FRAS1: variants seen among roughly 807,000 people sequenced by gnomAD.
FRAS1 encodes extracellular matrix organizing protein FRAS1.
Under a neutral mutation model 435.2 loss-of-function variants are expected in FRAS1, and 290 were observed. The ratio of observed to expected loss-of-function variants is 0.67; its 90% CI spans 0.61 to 0.73. The LOEUF is 0.73. Ranked by LOEUF, FRAS1 falls within the 30% of genes least tolerant of loss-of-function variation. The pLI is 0.00. For synonymous variants in FRAS1, 1,800 were observed against 1,851.0 expected (o/e 0.97, Z 0.71); for missense variants, 4,860 against 5,001.5 (o/e 0.97, Z 0.85).
chr4:78,420,699 A>G (rs1001676854), intron 33 of FRAS1, among the ~76,000 whole-genome samples: 3 of 148,106 alleles, frequency 2.0e-5, no homozygotes, highest in East Asian at 1.9e-4. Flanking sequence ...CAGCAGACCA[A>G]TCTGTGCCAG....
intron 2 of FRAS1, among the ~76,000 whole-genome samples, chr4:78,093,844 G>T (rs1317415692): frequency 1.3e-5 from 2 of 152,060 alleles, no homozygotes; most frequent in African/African-American, 4.8e-5. Flanking sequence ...TATATTTTTG[G>T]TTATTTCTGT....
At position 78,306,768 on chromosome 4, in the gene FRAS1, AT is replaced by A. The variant is rs1362793266; in HGVS notation, c.1535-1289del. 5.3e-5 allele frequency among the ~76,000 whole-genome samples: 8 copies of A among 150,354 alleles called. No homozygotes were observed. In the East Asian group the frequency reaches 7.8e-4, roughly 15 times the overall value. ...TTATTCTAGTTATACATTCTTCTAA[AT>A]TTTTTTTTCAAAGTTTTCAACTTCT... On this transcript the variant is annotated intron_variant, in intron 14 of 73. Coordinates refer to ENST00000512123, the MANE Select transcript of FRAS1 (RefSeq NM_025074.7).
At chr4:78,252,589 G>T in intron 5 of FRAS1, 38 bp downstream of exon 5, 1 of 1,586,148 alleles carries the variant, frequency 6.3e-7, no homozygotes, top group Non-Finnish European at 8.6e-7. Context: ...CTCTTTGCTT[G>T]GGAGGTTCAC....
intron 12 of FRAS1, among the ~76,000 whole-genome samples, chr4:78,283,563 T>C (rs1298163202): frequency 6.6e-6 from 1 of 152,244 alleles, no homozygotes; most frequent in East Asian, 1.9e-4. Flanking sequence ...AGTTTGCCTA[T>C]AAGTTTAGTC....
Position 78,284,534 on chromosome 4 carries a change from G to A in FRAS1, c.1385G>A (p.Gly462Asp). The A allele has an allele frequency of 1.9e-6, 3 of 1,610,842 alleles. No homozygotes were observed. The highest frequency in any genetic ancestry group is 2.5e-6 in the Non-Finnish European group (3 of 1,178,566). ...TGTGGACTGGGTTTTTACCAAGCTG[G>A]CAGTCTCTGTTTAGGTATGGCTCCA... ...HSCGLGFYQAGSLCLACQPQC... is the reference protein window; with the variant it reads ...HSCGLGFYQADSLCLACQPQC... Residue 462 changes from glycine to aspartate, a missense_variant, in exon 13 of 74, where the codon GGC becomes GAC. Transcript: ENST00000512123.
intron 6 of FRAS1, among the ~76,000 whole-genome samples, chr4:78,257,057 A>G (rs542263785): frequency 2.6e-5 from 4 of 152,184 alleles, no homozygotes; most frequent in South Asian, 2.1e-4. Flanking sequence ...GGTGTTTACT[A>G]TGTGTCAGCC....
chr4:78,434,305 C>T (rs1366454721), intron 38 of FRAS1, among the ~76,000 whole-genome samples: 1 of 152,124 alleles, frequency 6.6e-6, no homozygotes, highest in Non-Finnish European at 1.5e-5. Flanking sequence ...GTCTTATATA[C>T]ACAGTTTGCT....
At chr4:78,362,391 C>A (rs570578812) in intron 20 of FRAS1, among the ~76,000 whole-genome samples, 1 of 152,334 alleles carries the variant, frequency 6.6e-6, no homozygotes, top group Non-Finnish European at 1.5e-5. Flanking sequence ...GGCAGCGGCA[C>A]CTCATTTACT....
At chr4:78,425,569 C>G (rs1733965813) in intron 35 of FRAS1, among the ~76,000 whole-genome samples, 1 of 152,168 alleles carries the variant, frequency 6.6e-6, no homozygotes. Flanking sequence ...CTCTATAACT[C>G]CCAGCTCTTC....
chr4:78,438,086 A>C (rs1438048787), intron 38 of FRAS1, among the ~76,000 whole-genome samples: 3 of 152,070 alleles, frequency 2.0e-5, no homozygotes, highest in Non-Finnish European at 4.4e-5. Context: ...AAGCTAAATA[A>C]CTTTTCTGTT....
intron 2 of FRAS1, among the ~76,000 whole-genome samples, chr4:78,191,525 T>G (rs1282091686): frequency 1.0e-5 from 1 of 99,522 alleles, no homozygotes; most frequent in African/African-American, 3.5e-5. Flanking sequence ...GATTTGTTTG[T>G]ATTATTTTCT....
chr4:78,268,900 C>T (rs1726507786), intron 9 of FRAS1, among the ~76,000 whole-genome samples: 1 of 152,206 alleles, frequency 6.6e-6, no homozygotes, highest in Non-Finnish European at 1.5e-5. Flanking sequence ...TAGTTACTTC[C>T]ACTCCACTGC....
chr4:78,115,494 C>T (rs1463083060), intron 2 of FRAS1, among the ~76,000 whole-genome samples: 8 of 152,266 alleles, frequency 5.3e-5, no homozygotes, highest in Admixed American at 4.6e-4. Flanking sequence ...TTAATTATTG[C>T]CTCAATTTCA....
chr4:78,479,556 A>C lies in FRAS1; in HGVS notation c.8281A>C (p.Ser2761Arg). 1 of 1,614,002 alleles carries C rather than the reference A, an allele frequency of 6.2e-7. No individual in the cohort carries two copies. ...STCDVMLIDD[S>R]EYEEEEEFEI... The stretch of plus-strand genomic sequence containing the variant: ...CTGTGATGTCATGCTTATTGATGAC[A>C]GCGAGTATGAAGAGGAAGAAGAGTT... The change falls in exon 56 of 74, where the codon AGC (serine) becomes CGC (arginine). Residue 2761 changes from serine to arginine, a missense_variant. Ser to Arg is a moderately radical substitution (Grantham distance 110). Transcript: ENST00000512123.
At chr4:78,280,580 CTTTT>C (rs34405763) in intron 10 of FRAS1, among the ~76,000 whole-genome samples, 2 of 141,878 alleles carry the variant, frequency 1.4e-5, no homozygotes, top group Non-Finnish European at 1.5e-5. Context: ...TTCCTCCATA[CTTTT>C]TTTTTTTTTT....
At chr4:78,323,249 G>A (rs1377480796) in intron 18 of FRAS1, among the ~76,000 whole-genome samples, 1 of 152,198 alleles carries the variant, frequency 6.6e-6, no homozygotes, top group African/African-American at 2.4e-5. Context: ...TAAAAGATTG[G>A]AGACATTTTC....
chr4:78,527,437 G>C (rs1381149016), intron 70 of FRAS1, among the ~76,000 whole-genome samples: 5 of 152,164 alleles, frequency 3.3e-5, no homozygotes, highest in Non-Finnish European at 5.9e-5. Context: ...AGTAATCCGT[G>C]CTCTCAGGCA....
At chr4:78,323,128 T>C (rs537387034) in intron 18 of FRAS1, among the ~76,000 whole-genome samples, 5 of 152,198 alleles carry the variant, frequency 3.3e-5, no homozygotes, top group Non-Finnish European at 7.3e-5. Context: ...AAAAATGAAC[T>C]GGGTGCTTCA....
At chr4:78,527,055 A>G (rs978655692) in intron 70 of FRAS1, among the ~76,000 whole-genome samples, 2 of 152,202 alleles carry the variant, frequency 1.3e-5, no homozygotes, top group Non-Finnish European at 2.9e-5. Flanking sequence ...GTTCAATAGA[A>G]ATGAATCAAC....
Sources: gnomAD v4.1 joint callset for allele counts (sites outside exome capture counted in the v4.1 genomes callset) on GRCh38, gnomAD v4.1.1 for gene constraint, MANE v1.5 for transcripts, NCBI Gene and HGNC (gene_info 2026-07-23, HGNC 2026-07-21) for gene names.